The following RPS6KC1 variants were observed in gnomAD, a reference collection of about 807,000 sequenced individuals.
The protein encoded by RPS6KC1 is inactive ribosomal protein S6 kinase delta-1.
Under a neutral mutation model 103.8 loss-of-function variants are expected in RPS6KC1, and 54 were observed. The observed-to-expected ratio is 0.52, with a 90% CI of 0.42 to 0.65. RPS6KC1 has a LOEUF of 0.65. RPS6KC1 is among the 30% of genes least tolerant of loss of function. The pLI, the probability that RPS6KC1 is intolerant of heterozygous loss-of-function variation, is 0.00. For missense variants in RPS6KC1, 1,151 were observed against 1,253.8 expected (o/e 0.92, Z 1.24); for synonymous variants, 439 against 438.7 (o/e 1.00, Z -0.01).
the RPS6KC1 span, among the ~76,000 whole-genome samples, chr1:213,439,093 C>G: frequency 6.6e-6 from 1 of 152,146 alleles, no homozygotes. Context: ...TGCGCCTGGC[C>G]AGAATCTTGG....
At chr1:213,668,298 A>T in the RPS6KC1 span, among the ~76,000 whole-genome samples, 1 of 151,208 alleles carries the variant, frequency 6.6e-6, no homozygotes, top group Non-Finnish European at 1.5e-5. Context: ...ATGTTTTAGC[A>T]GGCATGGAAA....
the RPS6KC1 span, among the ~76,000 whole-genome samples, chr1:213,760,838 T>C: frequency 6.7e-6 from 1 of 149,822 alleles, no homozygotes; most frequent in Non-Finnish European, 1.5e-5. Context: ...GTCAGGAAAG[T>C]GTGAGTCTAC....
the RPS6KC1 span, among the ~76,000 whole-genome samples, chr1:213,324,750 G>A: frequency 6.6e-6 from 1 of 152,022 alleles, no homozygotes; most frequent in Non-Finnish European, 1.5e-5. Context: ...TGGCGGGGAG[G>A]GGGTTGGAGG....
At chr1:213,549,016 G>T in the RPS6KC1 span, among the ~76,000 whole-genome samples, 1 of 152,150 alleles carries the variant, frequency 6.6e-6, no homozygotes, top group Admixed American at 6.5e-5. Context: ...CATCTGTCTT[G>T]CTTGCTCCAG....
the RPS6KC1 span, among the ~76,000 whole-genome samples, chr1:213,401,440 G>T: frequency 1.3e-5 from 2 of 152,232 alleles, no homozygotes; most frequent in East Asian, 3.8e-4. Context: ...TACTGTTGGG[G>T]CTGAGTTGTT....
chr1:213,230,001 G>C lies in RPS6KC1; in HGVS notation c.1045-496G>C, dbSNP rs923315338. 3.9e-5 allele frequency among the ~76,000 whole-genome samples: 6 copies of C among 152,178 alleles called. No homozygotes were observed. In the South Asian group the frequency reaches 1.2e-3, roughly 32 times the overall value. ...ATACATTTTGAAGACAGAGCTGACA[G>C]GATTTGCCGGTGGTGGAAAGGGGTG... On this transcript the variant is annotated intron_variant, in intron 8 of 14. Coordinates refer to ENST00000366960, the MANE Select transcript of RPS6KC1 (RefSeq NM_012424.6).
intron 14 of RPS6KC1, among the ~76,000 whole-genome samples, chr1:213,269,137 TACTA>T (rs890175319): frequency 2.6e-5 from 4 of 152,170 alleles, no homozygotes; most frequent in Non-Finnish European, 5.9e-5. Context: ...GGATAAACCA[TACTA>T]ACAGTAACCA....
chr1:213,486,140 A>G, the RPS6KC1 span, among the ~76,000 whole-genome samples: 1 of 152,310 alleles, frequency 6.6e-6, no homozygotes, highest in African/African-American at 2.4e-5. Flanking sequence ...TGGCAAAGAT[A>G]ATCTTTTCTT....
At chr1:213,524,055 G>A in the RPS6KC1 span, among the ~76,000 whole-genome samples, 3 of 152,084 alleles carry the variant, frequency 2.0e-5, no homozygotes, top group Non-Finnish European at 2.9e-5. Flanking sequence ...AGGAAGCCCC[G>A]GGAGGCAGGA....
intron 6 of RPS6KC1, among the ~76,000 whole-genome samples, chr1:213,156,339 T>G (rs935809176): frequency 1.1e-4 from 16 of 151,912 alleles, no homozygotes; most frequent in Middle Eastern, 3.4e-3. Context: ...TTTTAAAAAT[T>G]AAAAAAAAGG....
At chr1:213,786,517 T>A in the RPS6KC1 span, among the ~76,000 whole-genome samples, 1 of 152,162 alleles carries the variant, frequency 6.6e-6, no homozygotes, top group Non-Finnish European at 1.5e-5. Context: ...ACTGGCCAGG[T>A]GTCCTTGGAT....
chr1:213,058,243 T>C (rs1158976340), intron 1 of RPS6KC1, among the ~76,000 whole-genome samples: 1 of 151,798 alleles, frequency 6.6e-6, no homozygotes, highest in African/African-American at 2.4e-5. Flanking sequence ...ACCCAGACAG[T>C]GTTTTTGCAA....
the RPS6KC1 span, among the ~76,000 whole-genome samples, chr1:213,351,365 C>T: frequency 5.9e-5 from 9 of 152,136 alleles, no homozygotes; most frequent in Admixed American, 2.0e-4. Flanking sequence ...CTAACCAAAC[C>T]CAGAAATATT....
chr1:213,221,287 C>T (rs1245162511), intron 8 of RPS6KC1, among the ~76,000 whole-genome samples: 2 of 152,076 alleles, frequency 1.3e-5, no homozygotes, highest in East Asian at 1.9e-4. Flanking sequence ...TTGGAGTCCC[C>T]TGTGACCTTG....
intron 1 of RPS6KC1, among the ~76,000 whole-genome samples, chr1:213,056,645 G>A (rs897662456): frequency 6.6e-6 from 1 of 152,158 alleles, no homozygotes; most frequent in Non-Finnish European, 1.5e-5. Context: ...TTGCTTGGAG[G>A]GAACCTGTCC....
chr1:213,134,390 A>G (rs764181965), intron 6 of RPS6KC1, among the ~76,000 whole-genome samples: 3 of 150,182 alleles, frequency 2.0e-5, no homozygotes, highest in Non-Finnish European at 4.4e-5. Context: ...CTTCTCTTGC[A>G]TACATTATGA....
At chr1:213,109,843 T>TG (rs1367691175) in intron 4 of RPS6KC1, among the ~76,000 whole-genome samples, 1 of 152,030 alleles carries the variant, frequency 6.6e-6, no homozygotes, top group Admixed American at 6.5e-5. Context: ...TTTTTTTTTT[T>TG]TATTGGAGAT....
At chr1:213,760,036 T>G in the RPS6KC1 span, among the ~76,000 whole-genome samples, 1 of 152,214 alleles carries the variant, frequency 6.6e-6, no homozygotes, top group African/African-American at 2.4e-5. Context: ...GTTTACTTGC[T>G]GCTCTGGACT....
the RPS6KC1 span, among the ~76,000 whole-genome samples, chr1:213,381,001 A>T: frequency 6.6e-6 from 1 of 152,150 alleles, no homozygotes; most frequent in Non-Finnish European, 1.5e-5. Flanking sequence ...CGGAGGGATC[A>T]CAGGAAATTG....
Sources: gnomAD v4.1 joint callset for allele counts (sites outside exome capture counted in the v4.1 genomes callset) on GRCh38, gnomAD v4.1.1 for gene constraint, MANE v1.5 for transcripts, NCBI Gene and HGNC (gene_info 2026-07-23, HGNC 2026-07-21) for gene names.